Variants in CDADC1 observed in about 807,000 individuals in gnomAD.
The protein encoded by CDADC1 is cytidine and dCMP deaminase domain containing 1, also known as dCTP deaminase.
Under a neutral mutation model 54.9 loss-of-function variants are expected in CDADC1, and 39 were observed. That is an observed-to-expected ratio of 0.71 (90% CI 0.55 to 0.93). The LOEUF is 0.93. Among genes scored for constraint, CDADC1 ranks in the 40% least tolerant of loss-of-function variants. The pLI is 0.00. For synonymous variants in CDADC1, 186 were observed against 204.0 expected (o/e 0.91, Z 0.75); for missense variants, 518 against 618.8 (o/e 0.84, Z 1.73).
chr13:49,251,535 C>T (rs1204321611), intron 2 of CDADC1, among the ~76,000 whole-genome samples: 1 of 151,716 alleles, frequency 6.6e-6, no homozygotes, highest in Admixed American at 6.6e-5. Context: ...ATACACACCA[C>T]ATCCTGTGCT....
chr13:49,292,631 A>G lies in CDADC1; in HGVS notation c.*874A>G, dbSNP rs960876368. 4 of 1,170,916 alleles carry G rather than the reference A, an allele frequency of 3.4e-6. No homozygotes were observed. The highest frequency in any genetic ancestry group is 4.3e-6 in the Non-Finnish European group (4 of 935,276). 72.5% of individuals were successfully genotyped at this position (1,170,916 alleles called of 1,614,324 possible). On this transcript the variant is annotated 3_prime_UTR_variant, in exon 10 of 10. Transcript: ENST00000251108. ...AAGAGCCTTTTAAAAACATTTGCCA[A>G]CCTCAAGAATAAATACTGAAAGTCT...
intron 6 of CDADC1, among the ~76,000 whole-genome samples, chr13:49,276,003 G>A (rs754452390): frequency 7.9e-5 from 12 of 152,040 alleles, no homozygotes; most frequent in Middle Eastern, 3.4e-3. Context: ...TCTTGACTTC[G>A]TGATCCACCT....
chr13:49,263,715 A>G (rs1952742278), intron 4 of CDADC1, among the ~76,000 whole-genome samples: 1 of 152,214 alleles, frequency 6.6e-6, no homozygotes, highest in South Asian at 2.1e-4. Context: ...AACAGAAGCA[A>G]ATTTGAGCAT....
At chr13:49,288,812 A>G (rs538177383) in intron 9 of CDADC1, among the ~76,000 whole-genome samples, 1 of 152,346 alleles carries the variant, frequency 6.6e-6, no homozygotes, top group Admixed American at 6.5e-5. Flanking sequence ...CAGGTAACCC[A>G]TAACAAGCAT....
intron 2 of CDADC1, among the ~76,000 whole-genome samples, 175 bp downstream of exon 2, chr13:49,249,140 A>G (rs1952364700): frequency 6.6e-6 from 1 of 152,238 alleles, no homozygotes; most frequent in South Asian, 2.1e-4. Context: ...GTCATCTTCC[A>G]TTCTAAAAAT....
intron 5 of CDADC1, among the ~76,000 whole-genome samples, chr13:49,269,401 G>A (rs1481255313): frequency 6.6e-6 from 1 of 152,040 alleles, no homozygotes; most frequent in Non-Finnish European, 1.5e-5. Context: ...AACAAAATAT[G>A]GCCAAGTTCT....
intron 2 of CDADC1, among the ~76,000 whole-genome samples, chr13:49,249,544 G>A (rs1188149986): frequency 6.6e-6 from 1 of 152,046 alleles, no homozygotes; most frequent in African/African-American, 2.4e-5. Flanking sequence ...AACCAGCCTG[G>A]GCAACATAGT....
rs1262099959 is a variant in CDADC1, at chr13:49,291,708, A to G, written c.1496A>G (p.Gln499Arg). ...RENGVLRPVP[Q>R]KEEQHQDKKL... ...GATGGTGTGTTGAGACCTGTCCCAC[A>G]GAAGGAAGAGCAGCACCAGGACAAG... Residue 499 changes from glutamine (Q) to arginine (R), a missense_variant, in exon 10 of 10, where the codon CAG becomes CGG. By Grantham distance (43) the Gln-to-Arg change is conservative. Transcript: ENST00000251108. 1 of 1,614,012 alleles carries G rather than the reference A, an allele frequency of 6.2e-7. No individual in the cohort carries two copies. Among genetic ancestry groups the G allele is most frequent in the South Asian group, 1.1e-5 (1 of 91,072 alleles).
chr13:49,248,305 T>C, intron 1 of CDADC1, 186 bp downstream of exon 1: 1 of 566,334 alleles, frequency 1.8e-6, no homozygotes, highest in Middle Eastern at 4.7e-4. Context: ...TCGCACTGGC[T>C]TTTGAAGTCT....
At chr13:49,271,442 G>A (rs1398839785) in intron 5 of CDADC1, among the ~76,000 whole-genome samples, 1 of 152,066 alleles carries the variant, frequency 6.6e-6, no homozygotes, top group East Asian at 1.9e-4. Context: ...GTAGGCTGGA[G>A]TAATCAAGAA....
intron 2 of CDADC1, among the ~76,000 whole-genome samples, chr13:49,249,382 T>C (rs1952373622): frequency 6.6e-6 from 1 of 152,212 alleles, no homozygotes; most frequent in African/African-American, 2.4e-5. Flanking sequence ...TGAGTGCTAA[T>C]TGATTAATGT....
In CDADC1 at chr13:49,267,766, T is replaced by C; in HGVS notation, c.707T>C (p.Ile236Thr). ...DFYYECKQER[I>T]KEYEMLFLVS... ...TATTATGAATGTAAACAAGAAAGAA[T>C]AAAAGAATATGAAATGTTATTTTTG... Residue 236 changes from isoleucine (I) to threonine (T), a missense_variant, in exon 5 of 10, where the codon ATA becomes ACA. Physicochemically the swap from Ile to Thr is moderately conservative, Grantham distance 89. Coordinates refer to ENST00000251108, the MANE Select transcript of CDADC1 (RefSeq NM_030911.4). The C allele has an allele frequency of 6.2e-7, 1 of 1,611,972 alleles. No homozygotes were observed. The highest frequency in any genetic ancestry group is 2.2e-5 in the East Asian group (1 of 44,866).
intron 9 of CDADC1, among the ~76,000 whole-genome samples, chr13:49,287,951 C>A (rs987487326): frequency 6.9e-6 from 1 of 145,246 alleles, no homozygotes; most frequent in Admixed American, 7.0e-5. Context: ...CCAACCTTGG[C>A]AACAGAGTGA....
intron 9 of CDADC1, among the ~76,000 whole-genome samples, chr13:49,287,769 T>G (rs879905462): frequency 6.6e-6 from 1 of 152,074 alleles, no homozygotes; most frequent in Non-Finnish European, 1.5e-5. Context: ...CCCAGGAGTT[T>G]GAAACCAGGC....
chr13:49,282,164 G>A (rs1369131114), intron 8 of CDADC1, among the ~76,000 whole-genome samples: 1 of 151,198 alleles, frequency 6.6e-6, no homozygotes, highest in African/African-American at 2.4e-5. Context: ...AATGTACTGA[G>A]GTAGTTCATG....
intron 4 of CDADC1, among the ~76,000 whole-genome samples, chr13:49,263,980 C>T (rs943687940): frequency 6.8e-4 from 103 of 152,160 alleles, no homozygotes; most frequent in African/African-American, 2.3e-3. Flanking sequence ...ACATGTTTAC[C>T]ACATTAAAAT....
intron 5 of CDADC1, among the ~76,000 whole-genome samples, chr13:49,272,050 G>C (rs949513333): frequency 1.4e-5 from 2 of 141,668 alleles, no homozygotes; most frequent in Non-Finnish European, 3.1e-5. Flanking sequence ...CATGCTGATG[G>C]AAAAATCACA....
chr13:49,267,038 A>G (rs1163750403), intron 4 of CDADC1, among the ~76,000 whole-genome samples: 1 of 152,172 alleles, frequency 6.6e-6, no homozygotes, highest in East Asian at 1.9e-4. Context: ...GAGGCTGGGT[A>G]ACTTTTTCTT....
chr13:49,275,726 T>TAGAG (rs1163125791), intron 6 of CDADC1, among the ~76,000 whole-genome samples: 1 of 17,972 alleles, frequency 5.6e-5, no homozygotes, highest in Non-Finnish European at 9.7e-5. Flanking sequence ...TATATATATA[T>TAGAG]AGAGAGAGAG....
Sources: allele counts gnomAD v4.1 joint callset (sites outside exome capture counted in the v4.1 genomes callset), GRCh38; gene constraint gnomAD v4.1.1; transcripts MANE v1.5; gene names NCBI Gene and HGNC (gene_info 2026-07-23, HGNC 2026-07-21).